MERTK: variants seen among roughly 807,000 people sequenced by gnomAD.
The protein encoded by MERTK is MER proto-oncogene, tyrosine kinase.
A neutral mutation model predicts 99.3 loss-of-function variants in MERTK; 69 were observed. The observed-to-expected ratio is 0.70, with a 90% confidence interval of 0.57 to 0.85. The LOEUF (loss-of-function observed/expected upper bound fraction) is 0.85, where lower values mean the gene tolerates loss of function less well. Among genes scored for constraint, MERTK ranks in the 40% least tolerant of loss-of-function variants. The pLI, the probability that MERTK is intolerant of heterozygous loss-of-function variation, is 0.00. For missense variants in MERTK, 1,125 were observed against 1,249.4 expected, an observed-to-expected ratio of 0.90 and a Z score of 1.50; for synonymous variants, 426 against 467.6, an observed-to-expected ratio of 0.91 and a Z score of 1.15.
rs746981720 is a variant in MERTK at position 111,898,799 on chromosome 2, G to C, written c.61+3G>C. 1.6e-4 allele frequency: 253 copies of C among 1,588,848 alleles called. No homozygotes were observed. The Middle Eastern group carries it at 2.2e-3, about 14-fold the overall frequency. Reference sequence around the variant, plus strand: ...CCTCCCCGCGCTCTGGCGTAGAGGTGAGTGCGCCCGGCTGGGGGCCAGGCG... The same window carrying C: ...CCTCCCCGCGCTCTGGCGTAGAGGTCAGTGCGCCCGGCTGGGGGCCAGGCG... On this transcript the variant is annotated splice_donor_region_variant and intron_variant, in intron 1 of 18. Transcript: ENST00000295408.
chr2:112,008,678 C>T (rs1010519358), intron 14 of MERTK: 50 of 667,820 alleles, frequency 7.5e-5, no homozygotes, highest in Admixed American at 3.0e-4. Context: ...ATTTTCTGGA[C>T]GCTGATAGGC....
At chr2:111,961,457 C>T (rs570058414) in intron 4 of MERTK, among the ~76,000 whole-genome samples, 126 of 152,070 alleles carry the variant, frequency 8.3e-4, no homozygotes, top group South Asian at 5.8e-3. Flanking sequence ...ACCCGGCCGG[C>T]GTTTTAAATT....
At position 111,936,432 on chromosome 2, in the gene MERTK, A is replaced by G. The variant is rs911740592; in HGVS notation, c.482+6892A>G. On this transcript the variant is annotated intron_variant, in intron 2 of 18. Coordinates refer to ENST00000295408, the MANE Select transcript of MERTK (RefSeq NM_006343.3). ...AAAAATTTTTTAATTTTTGTAAATG[A>G]AAAATTCTTTTTAAAATGCTGAGTT... 2.1e-4 allele frequency among the ~76,000 whole-genome samples: 32 copies of G among 152,346 alleles called. No individual in the cohort carries two copies. In the Middle Eastern group the frequency reaches 0.014, roughly 65 times the overall value.
rs533939639 is a variant in MERTK, at chr2:112,004,814, A to T, written c.1867+830A>T. Among the ~76,000 whole-genome samples, 40 of 152,172 alleles carry T rather than the reference A, an allele frequency of 2.6e-4. No homozygotes were observed. The South Asian group carries it at 8.3e-3, about 32-fold the overall frequency. ...AATCCCAGGTGACTGAGGCAGGAGA[A>T]TCACTTGAACTCGGGAGGCGGAAGT... On this transcript the variant is annotated intron_variant, in intron 13 of 18. Transcript: ENST00000295408.
intron 18 of MERTK, among the ~76,000 whole-genome samples, chr2:112,022,807 A>G (rs1309526476): frequency 6.6e-6 from 1 of 151,948 alleles, no homozygotes; most frequent in African/African-American, 2.4e-5. Flanking sequence ...CATTTCAAAC[A>G]CTCCACTCAC....
chr2:111,982,695 G>A, intron 7 of MERTK, 147 bp from the exon 8 acceptor site: 1 of 852,084 alleles, frequency 1.2e-6, no homozygotes, highest in South Asian at 1.4e-5. Context: ...AATCTTAGTT[G>A]AAAAGGTGAA....
chr2:111,948,583 C>G (rs1685002230), intron 4 of MERTK, among the ~76,000 whole-genome samples: 1 of 152,192 alleles, frequency 6.6e-6, no homozygotes, highest in African/African-American at 2.4e-5. Context: ...CAGAATTCTC[C>G]ATCTTAGTGA....
intron 9 of MERTK, chr2:111,996,619 G>A (rs1465958321): frequency 1.9e-5 from 3 of 156,978 alleles, no homozygotes; most frequent in Non-Finnish European, 2.9e-5. Context: ...CCCTGCTGAT[G>A]TGAACCAGCG....
intron 17 of MERTK, 151 bp downstream of exon 17, chr2:112,021,732 G>T: frequency 1.4e-6 from 1 of 727,236 alleles, no homozygotes; most frequent in Non-Finnish European, 2.4e-6. Context: ...CTTACCATCA[G>T]ATACTTTAAT....
intron 1 of MERTK, among the ~76,000 whole-genome samples, chr2:111,901,415 G>A (rs1684040563): frequency 6.6e-6 from 1 of 152,104 alleles, no homozygotes; most frequent in South Asian, 2.1e-4. Context: ...GAACTTTTAA[G>A]TTGTTCTGTT....
At chr2:111,961,737 G>A (rs935361523) in intron 4 of MERTK, among the ~76,000 whole-genome samples, 2 of 152,176 alleles carry the variant, frequency 1.3e-5, no homozygotes, top group African/African-American at 4.8e-5. Context: ...AAACCCACCA[G>A]CACTGATTTT....
chr2:112,014,415 C>T (rs1304718718), intron 15 of MERTK, among the ~76,000 whole-genome samples: 1 of 151,936 alleles, frequency 6.6e-6, no homozygotes, highest in Non-Finnish European at 1.5e-5. Flanking sequence ...TCAGCCGCCT[C>T]GGCCTCCCGA....
chr2:111,985,688 G>A (rs983000118), intron 8 of MERTK, among the ~76,000 whole-genome samples: 3 of 152,152 alleles, frequency 2.0e-5, no homozygotes, highest in African/African-American at 2.4e-5. Context: ...GCAAGAGAGT[G>A]TGCAGGGGAA....
intron 18 of MERTK, among the ~76,000 whole-genome samples, chr2:112,023,026 C>T (rs1677389276): frequency 6.6e-6 from 1 of 152,052 alleles, no homozygotes; most frequent in African/African-American, 2.4e-5. Flanking sequence ...GCACGTTATC[C>T]CAACACTTTG....
At chr2:111,918,027 ACT>A (rs1298202261) in intron 1 of MERTK, among the ~76,000 whole-genome samples, 1 of 152,118 alleles carries the variant, frequency 6.6e-6, no homozygotes, top group African/African-American at 2.4e-5. Flanking sequence ...TAAAACTGAA[ACT>A]CTGTAACCAT....
chr2:112,009,829 A>AT, intron 14 of MERTK, 119 bp from the exon 15 acceptor site: 8 of 818,572 alleles, frequency 9.8e-6, no homozygotes, highest in South Asian at 5.4e-5. Flanking sequence ...GGCGCTCTTG[A>AT]TTTTTTCAAA....
At chr2:111,911,499 C>T (rs1483191107) in intron 1 of MERTK, among the ~76,000 whole-genome samples, 1 of 151,908 alleles carries the variant, frequency 6.6e-6, no homozygotes, top group African/African-American at 2.4e-5. Context: ...AGTGATTCTC[C>T]TGCCTCAGTC....
chr2:111,916,919 A>T (rs576015222), intron 1 of MERTK, among the ~76,000 whole-genome samples: 45 of 152,012 alleles, frequency 3.0e-4, no homozygotes, highest in African/African-American at 1.0e-3. Flanking sequence ...TTGACATCTG[A>T]GTGTGGGGAT....
chr2:111,974,642 G>T (rs896092393), intron 6 of MERTK, among the ~76,000 whole-genome samples: 2 of 151,530 alleles, frequency 1.3e-5, no homozygotes, highest in Admixed American at 1.3e-4. Context: ...GGTGGCACAT[G>T]CCTGTAATCC....
Sources: gnomAD v4.1 joint callset for allele counts (sites outside exome capture counted in the v4.1 genomes callset) on GRCh38, gnomAD v4.1.1 for gene constraint, MANE v1.5 for transcripts, NCBI Gene and HGNC (gene_info 2026-07-23, HGNC 2026-07-21) for gene names.